Variants in RAB40A observed in about 807,000 individuals in gnomAD.
RAB40A encodes ras-related protein Rab-40A.
For missense variants in RAB40A, 145 were observed against 230.2 expected (o/e 0.63, Z 2.40); for synonymous variants, 65 against 99.9 (o/e 0.65, Z 2.08).
At chrX:103,506,743 C>T (rs2073256626) in intron 2 of RAB40A, among the ~76,000 whole-genome samples, 1 of 109,089 alleles carries the variant, frequency 9.2e-6, no homozygotes, top group African/African-American at 3.5e-5. Flanking sequence ...ATAGTGCACA[C>T]TCTCCAGATG....
At position 103,500,086 on chromosome X, in the gene RAB40A, G is replaced by A. The variant is rs61735524; in HGVS notation, c.671C>T (p.Ser224Phe). 16,480 of 1,210,358 alleles carry A rather than the reference G, an allele frequency of 0.014. 1,469 individuals carry two copies. In the African/African-American group the frequency reaches 0.25, roughly 19 times the overall value. The change falls in exon 3 of 3, where the codon TCC becomes TTC. Residue 224 changes from serine (S) to phenylalanine (F), a missense_variant. Ser to Phe is a radical substitution (Grantham distance 155, BLOSUM62 -2). Coordinates refer to ENST00000304236, the MANE Select transcript of RAB40A (RefSeq NM_080879.3). The part of the protein sequence containing the change: ...LPSTLRSHLK[S>F]FSMAKGLNAR... ...ATTCAGGCCCTTAGCCATGGAGAAG[G>A]ACTTGAGGTGGCTTCTTAAGGTACT...
downstream of RAB40A, among the ~76,000 whole-genome samples, chrX:103,497,827 TA>T (rs2073189283): frequency 8.9e-6 from 1 of 112,008 alleles, no homozygotes. Flanking sequence ...CCTGGAACCA[TA>T]ATGCCACCAG....
At chrX:103,509,486 C>T (rs1413449410) in intron 2 of RAB40A, among the ~76,000 whole-genome samples, 1 of 53,712 alleles carries the variant, frequency 1.9e-5, no homozygotes, top group Non-Finnish European at 3.4e-5. Context: ...TCTCCCCTTT[C>T]CTTCCCTCCC....
intron 2 of RAB40A, among the ~76,000 whole-genome samples, chrX:103,511,877 T>C (rs1025978754): frequency 9.0e-6 from 1 of 111,672 alleles, no homozygotes; most frequent in Non-Finnish European, 1.9e-5. Flanking sequence ...TGTAATCAAG[T>C]TAAGATGAGA....
At chrX:103,497,952 T>C (rs997765075), downstream of RAB40A, among the ~76,000 whole-genome samples, 10 of 111,967 alleles carry the variant, frequency 8.9e-5, no homozygotes, top group African/African-American at 3.2e-4. Flanking sequence ...TATCAGAGCA[T>C]TTTGTATACT....
downstream of RAB40A, among the ~76,000 whole-genome samples, chrX:103,495,662 T>C (rs1431304969): frequency 1.8e-5 from 2 of 112,461 alleles, no homozygotes; most frequent in African/African-American, 6.5e-5. Context: ...TGTTGCAGCA[T>C]ATATCAGTTC....
intron 2 of RAB40A, among the ~76,000 whole-genome samples, chrX:103,503,908 C>T (rs763356393): frequency 5.4e-5 from 6 of 111,734 alleles, no homozygotes; most frequent in African/African-American, 2.0e-4. Flanking sequence ...CCTGTTTTCA[C>T]CATAAAATAG....
intron 2 of RAB40A, chrX:103,503,168 A>AATTG: frequency 5.3e-6 from 4 of 753,928 alleles, no homozygotes; most frequent in Non-Finnish European, 6.3e-6. Context: ...GAAAGAAAAA[A>AATTG]ATTGATTGAT....
chrX:103,515,721 C>T (rs1424747496), intron 2 of RAB40A, among the ~76,000 whole-genome samples: 1 of 111,963 alleles, frequency 8.9e-6, no homozygotes, highest in Non-Finnish European at 1.9e-5. Context: ...TGGCACCTAA[C>T]CTCCTACATA....
At position 103,502,902 on chromosome X, in the gene RAB40A, C is replaced by T. The variant is rs141296716; in HGVS notation, c.-70-2076G>A. The T allele has an allele frequency of 3.4e-3, 2,620 of 763,696 alleles. 60 individuals are homozygous for T. The African/African-American group carries it at 0.055, about 16-fold the overall frequency. 62.9% of individuals were successfully genotyped at this position (763,696 alleles called of 1,213,427 possible). On this transcript the variant is annotated intron_variant, in intron 2 of 2. Coordinates refer to ENST00000304236, the MANE Select transcript of RAB40A (RefSeq NM_080879.3). ...CGGCATGAAGTGGGACTTCAATGGC[C>T]CTTTAAATGCTGAGACACAGAAGTG...
At chrX:103,504,280 C>T (rs2073243320) in intron 2 of RAB40A, among the ~76,000 whole-genome samples, 2 of 111,033 alleles carry the variant, frequency 1.8e-5, no homozygotes, top group Non-Finnish European at 3.8e-5. Flanking sequence ...TAGCATCACA[C>T]AATATACCCA....
In RAB40A at chrX:103,519,476, G is replaced by A. The variant is rs750020987; in HGVS notation, c.-329C>T. 9.4e-4 allele frequency: 105 copies of A among 111,947 alleles called. No individual in the cohort carries two copies. The highest frequency in any genetic ancestry group is 3.2e-3 in the African/African-American group (99 of 30,890). 9.2% of individuals were successfully genotyped at this position (111,947 alleles called of 1,213,427 possible). A position where few individuals can be genotyped will look rare whatever the true frequency, so the allele number is the denominator to read the frequency against. ...GCCAATCTAGAAAATAAAATCATGA[G>A]GATCCATGTTTGGTGGTATAGGAAC... On this transcript the variant is annotated 5_prime_UTR_variant, in exon 1 of 3. Transcript: ENST00000304236.
chrX:103,499,567 C>G lies in RAB40A; in HGVS notation c.*356G>C, dbSNP rs1282487079. The G allele has an allele frequency of 1.0e-5, 3 of 290,142 alleles. No individual in the cohort carries two copies. The highest frequency in any genetic ancestry group is 8.1e-5 in the East Asian group (1 of 12,329). 23.9% of individuals were successfully genotyped at this position (290,142 alleles called of 1,213,427 possible). A position where few individuals can be genotyped will look rare whatever the true frequency, so the allele number is the denominator to read the frequency against. ...CAAATTTCCTTGAATTTATACTCAT[C>G]ATTGCCATATCACCATTCTAACAAA... On this transcript the variant is annotated 3_prime_UTR_variant, in exon 3 of 3. Coordinates refer to ENST00000304236, the MANE Select transcript of RAB40A (RefSeq NM_080879.3).
downstream of RAB40A, among the ~76,000 whole-genome samples, chrX:103,498,176 A>G (rs1204844818): frequency 1.8e-5 from 2 of 111,252 alleles, no homozygotes; most frequent in African/African-American, 6.6e-5. Flanking sequence ...TAAAGACTCT[A>G]TGCATCCCCG....
Position 103,509,895 on chromosome X carries a change from T to C in RAB40A, c.-71+7479A>G, listed in dbSNP as rs2073279684. Reference sequence around the variant, plus strand: ...ATCTCGGCTCACTGCAACTTCCACCTCCCGGGTTCAAGCGATTCTCCTGCC... The same window carrying C: ...ATCTCGGCTCACTGCAACTTCCACCCCCCGGGTTCAAGCGATTCTCCTGCC... On this transcript the variant is annotated intron_variant, in intron 2 of 2. Coordinates refer to ENST00000304236, the MANE Select transcript of RAB40A (RefSeq NM_080879.3). Among the ~76,000 whole-genome samples the C allele has an allele frequency of 2.8e-5, 3 of 107,777 alleles. No individual in the cohort carries two copies. In the Admixed American group the frequency reaches 3.0e-4, roughly 11 times the overall value. The allele number at this position is 107,777 out of a possible 115,157, so 93.6% of individuals were successfully genotyped here. A position where few individuals can be genotyped will look rare whatever the true frequency, so the allele number is the denominator to read the frequency against.
At chrX:103,496,019 G>A (rs1226072460), downstream of RAB40A, among the ~76,000 whole-genome samples, 6 of 111,770 alleles carry the variant, frequency 5.4e-5, no homozygotes, top group African/African-American at 2.0e-4. Flanking sequence ...CCATATATGG[G>A]TTTACATGCT....
intron 2 of RAB40A, among the ~76,000 whole-genome samples, chrX:103,505,296 A>C (rs956004333): frequency 8.9e-6 from 1 of 112,138 alleles, no homozygotes; most frequent in African/African-American, 3.2e-5. Flanking sequence ...CTAATGTTAT[A>C]GTACTACTAC....
downstream of RAB40A, chrX:103,497,448 A>G (rs1362520680): frequency 8.9e-6 from 1 of 112,027 alleles, no homozygotes; most frequent in Non-Finnish European, 1.9e-5. Flanking sequence ...TGAGCTCCTC[A>G]CACAGGTGAC....
At chrX:103,510,210 C>A (rs1008787685) in intron 2 of RAB40A, among the ~76,000 whole-genome samples, 1 of 112,058 alleles carries the variant, frequency 8.9e-6, no homozygotes, top group Non-Finnish European at 1.9e-5. Context: ...GCATGATGTA[C>A]TGGACATAAA....
Sources: allele counts gnomAD v4.1 joint callset (sites outside exome capture counted in the v4.1 genomes callset), GRCh38; gene constraint gnomAD v4.1.1; transcripts MANE v1.5; gene names NCBI Gene and HGNC (gene_info 2026-07-23, HGNC 2026-07-21).